The following KIRREL3 variants were observed in gnomAD, a reference collection of about 807,000 sequenced individuals.
KIRREL3 encodes the protein kirre like nephrin family adhesion molecule 3, also known as kin of IRRE-like protein 3.
Under a neutral mutation model 89.7 loss-of-function variants are expected in KIRREL3, and 36 were observed. The ratio of observed to expected loss-of-function variants is 0.40; its 90% CI spans 0.31 to 0.53. KIRREL3 has a LOEUF of 0.53. Among genes scored for constraint, KIRREL3 ranks in the 20% least tolerant of loss-of-function variants. KIRREL3 has a pLI of 0.49. For synonymous variants in KIRREL3, 445 were observed against 441.4 expected (o/e 1.01, Z -0.10); for missense variants, 864 against 1,056.6 (o/e 0.82, Z 2.53).
Position 126,984,162 on chromosome 11 carries a change from G to A in KIRREL3, c.55+16293C>T, listed in dbSNP as rs539177594. Among the ~76,000 whole-genome samples, 11 of 152,304 alleles carry A rather than the reference G, an allele frequency of 7.2e-5. No homozygotes were observed. The East Asian group carries it at 1.9e-3, about 27-fold the overall frequency. Reference sequence around the variant, plus strand: ...CAGCACATCTGGAGACACTGACCCAGAGGAAGGCAAGTACCTCACCTCTGA... The same window carrying A: ...CAGCACATCTGGAGACACTGACCCAAAGGAAGGCAAGTACCTCACCTCTGA... On this transcript the variant is annotated intron_variant, in intron 1 of 16. Coordinates refer to ENST00000525144, the MANE Select transcript of KIRREL3 (RefSeq NM_032531.4).
In KIRREL3 at chr11:126,551,458, G is replaced by A. The variant is rs1049718901; in HGVS notation, c.133+11377C>T. On this transcript the variant is annotated intron_variant, in intron 2 of 16. Transcript: ENST00000525144. This position sits in a 1 kb window ranked among gnomAD's most constrained non-coding sequence, Gnocchi z 4.9. ...CTATGGGAGTTATGAGCCGGGAACC[G>A]TGGATGAAATCCCCCCACCCCATGC... Among the ~76,000 whole-genome samples the A allele has an allele frequency of 1.3e-5, 2 of 152,116 alleles. No individual in the cohort carries two copies. Among genetic ancestry groups the A allele is most frequent in the South Asian group, 2.1e-4 (1 of 4,828 alleles).
rs1947612743 is a variant in KIRREL3 at position 126,708,149 on chromosome 11, A to G, written c.56-145237T>C. 6.6e-6 allele frequency among the ~76,000 whole-genome samples: 1 copy of G among 152,104 alleles called. No homozygotes were observed. The highest frequency in any genetic ancestry group is 2.4e-5 in the African/African-American group (1 of 41,398). ...TCTTCCACTGACTTTTCCCGTGTGA[A>G]AGGACTCCCTGGTCAGGCGGTATTC... is the stretch of plus-strand genomic sequence containing the variant. On this transcript the variant is annotated intron_variant, in intron 1 of 16. Transcript: ENST00000525144. This position sits in a 1 kb window ranked among gnomAD's most constrained non-coding sequence, Gnocchi z 5.7.
At chr11:126,941,531 G>A (rs1948445894) in intron 1 of KIRREL3, among the ~76,000 whole-genome samples, 1 of 152,178 alleles carries the variant, frequency 6.6e-6, no homozygotes, top group Non-Finnish European at 1.5e-5. Context: ...CTCGCATGGT[G>A]CATAAACTGA....
rs972918682 is a variant in KIRREL3, at chr11:126,562,980, G to T, written c.56-68C>A. On this transcript the variant is annotated intron_variant, in intron 1 of 16. Coordinates refer to ENST00000525144, the MANE Select transcript of KIRREL3 (RefSeq NM_032531.4). This position sits in a 1 kb window ranked among gnomAD's most constrained non-coding sequence, Gnocchi z 4.7. ...GTCAGGCATTGTTGGGGGGCCCTCT[G>T]CAGGGGGCTGTGGAGCTTGTTGCTC... 3.1e-5 allele frequency: 36 copies of T among 1,152,608 alleles called. No individual in the cohort carries two copies. Among genetic ancestry groups the T allele is most frequent in the Non-Finnish European group, 4.4e-5 (34 of 771,796 alleles). 71.4% of individuals were successfully genotyped at this position (1,152,608 alleles called of 1,614,324 possible). A position where few individuals can be genotyped will look rare whatever the true frequency, so the allele number is the denominator to read the frequency against.
At chr11:126,451,503 TGA>T (rs953359103) in intron 7 of KIRREL3, among the ~76,000 whole-genome samples, 7 of 150,424 alleles carry the variant, frequency 4.7e-5, no homozygotes, top group South Asian at 4.2e-4. Context: ...TGTGCATGTG[TGA>T]GTGTGTCCAT....
At position 126,648,269 on chromosome 11, in the gene KIRREL3, C is replaced by T. The variant is rs558745786; in HGVS notation, c.56-85357G>A. On this transcript the variant is annotated intron_variant, in intron 1 of 16. Coordinates refer to ENST00000525144, the MANE Select transcript of KIRREL3 (RefSeq NM_032531.4). ...CTTCTTTCCTTTTTACCCCGTCTCA[C>T]GTACTTCTTTATAGTAATGAGAGAA... is the stretch of plus-strand genomic sequence containing the variant. Among the ~76,000 whole-genome samples the T allele has an allele frequency of 5.3e-5, 8 of 152,324 alleles. No individual in the cohort carries two copies. In the East Asian group the frequency reaches 9.7e-4, roughly 18 times the overall value.
At position 126,807,069 on chromosome 11, in the gene KIRREL3, C is replaced by G. The variant is rs1273908576; in HGVS notation, c.55+193386G>C. On this transcript the variant is annotated intron_variant, in intron 1 of 16. Coordinates refer to ENST00000525144, the MANE Select transcript of KIRREL3 (RefSeq NM_032531.4). This position sits in a 1 kb window ranked among gnomAD's most constrained non-coding sequence, Gnocchi z 4.3. Reference sequence around the variant, plus strand: ...GGCACATATGTGCCACATGACCACGCTGTACTCTTCAAAGGGGATGAAACT... The same window carrying G: ...GGCACATATGTGCCACATGACCACGGTGTACTCTTCAAAGGGGATGAAACT... Among the ~76,000 whole-genome samples the G allele has an allele frequency of 6.6e-6, 1 of 152,142 alleles. No homozygotes were observed. Among genetic ancestry groups the G allele is most frequent in the Non-Finnish European group, 1.5e-5 (1 of 68,032 alleles).
At chr11:126,659,127 G>A (rs1945282117) in intron 1 of KIRREL3, among the ~76,000 whole-genome samples, 1 of 152,188 alleles carries the variant, frequency 6.6e-6, no homozygotes, top group African/African-American at 2.4e-5. Flanking sequence ...CCTCTTGCCT[G>A]CAAGGATATA....
At position 126,627,167 on chromosome 11, in the gene KIRREL3, G is replaced by A. The variant is rs985373313; in HGVS notation, c.56-64255C>T. Among the ~76,000 whole-genome samples, 57 of 152,148 alleles carry A rather than the reference G, an allele frequency of 3.7e-4. No individual in the cohort carries two copies. The highest frequency in any genetic ancestry group is 1.3e-3 in the African/African-American group (55 of 41,446). On this transcript the variant is annotated intron_variant, in intron 1 of 16. Transcript: ENST00000525144. The surrounding 1 kb of genome is among the most constrained non-coding windows in gnomAD (Gnocchi z 5.0). Reference sequence around the variant, plus strand: ...CATTTTTAGTTGTATTTCAATATAAGCATAAGGAGGTGGAGGTGAGAGAAT... The same window carrying A: ...CATTTTTAGTTGTATTTCAATATAAACATAAGGAGGTGGAGGTGAGAGAAT...
At chr11:126,690,380 A>G (rs1207566485) in intron 1 of KIRREL3, among the ~76,000 whole-genome samples, 1 of 136,680 alleles carries the variant, frequency 7.3e-6, no homozygotes, top group African/African-American at 2.8e-5. Flanking sequence ...TTTTTTTCCC[A>G]TTAGTTTCAG....
rs1945899344 is a variant in KIRREL3 at position 126,891,054 on chromosome 11, T to G, written c.55+109401A>C. On this transcript the variant is annotated intron_variant, in intron 1 of 16. Coordinates refer to ENST00000525144, the MANE Select transcript of KIRREL3 (RefSeq NM_032531.4). This position sits in a 1 kb window ranked among gnomAD's most constrained non-coding sequence, Gnocchi z 5.1. ...AAAGGCCCATCACCCTCTTTGAGTTTGCCCTTAGATCTTCAGCCTGCCAAA... is the reference window on the plus strand; with the variant it reads ...AAAGGCCCATCACCCTCTTTGAGTTGGCCCTTAGATCTTCAGCCTGCCAAA... Among the ~76,000 whole-genome samples, 1 of 152,254 alleles carries G rather than the reference T, an allele frequency of 6.6e-6. No homozygotes were observed. The highest frequency in any genetic ancestry group is 2.4e-5 in the African/African-American group (1 of 41,478).
In KIRREL3 at chr11:126,797,389, T is replaced by C. The variant is rs941569617; in HGVS notation, c.55+203066A>G. Among the ~76,000 whole-genome samples the C allele has an allele frequency of 1.3e-5, 2 of 152,154 alleles. No homozygotes were observed. Among genetic ancestry groups the C allele is most frequent in the Non-Finnish European group, 2.9e-5 (2 of 68,036 alleles). On this transcript the variant is annotated intron_variant, in intron 1 of 16. Coordinates refer to ENST00000525144, the MANE Select transcript of KIRREL3 (RefSeq NM_032531.4). The surrounding 1 kb of genome is among the most constrained non-coding windows in gnomAD (Gnocchi z 4.9). ...GAGAAGCACTGGATGCTGATAGTTT[T>C]GGTGGCGCGGCTGTTATTGGTTGGA... is the stretch of plus-strand genomic sequence containing the variant.
At chr11:126,942,828 G>C (rs1014245991) in intron 1 of KIRREL3, among the ~76,000 whole-genome samples, 1 of 152,166 alleles carries the variant, frequency 6.6e-6, no homozygotes, top group Non-Finnish European at 1.5e-5. Context: ...CAGGATTTCT[G>C]CTTTCCATGC....
chr11:126,754,532 C>T lies in KIRREL3; in HGVS notation c.56-191620G>A, dbSNP rs1291901406. Reference sequence around the variant, plus strand: ...GTCTACTTGGTTTAAGGCCTACAAACTGCATGTCTTTGCTAGATACCGCTG... The same window carrying T: ...GTCTACTTGGTTTAAGGCCTACAAATTGCATGTCTTTGCTAGATACCGCTG... On this transcript the variant is annotated intron_variant, in intron 1 of 16. Coordinates refer to ENST00000525144, the MANE Select transcript of KIRREL3 (RefSeq NM_032531.4). The surrounding 1 kb of genome is among the most constrained non-coding windows in gnomAD (Gnocchi z 5.1). 6.6e-6 allele frequency among the ~76,000 whole-genome samples: 1 copy of T among 152,070 alleles called. No individual in the cohort carries two copies. The highest frequency in any genetic ancestry group is 1.5e-5 in the Non-Finnish European group (1 of 68,006).
Position 126,924,907 on chromosome 11 carries a change from ATGTGTGTGTGTGTACATGCTTATGTG to A in KIRREL3, c.55+75522_55+75547del, listed in dbSNP as rs1201137116. Among the ~76,000 whole-genome samples, 1 of 148,620 alleles carries A rather than the reference ATGTGTGTGTGTGTACATGCTTATGTG, an allele frequency of 6.7e-6. No individual in the cohort carries two copies. Among genetic ancestry groups the A allele is most frequent in the Non-Finnish European group, 1.5e-5 (1 of 67,338 alleles). On this transcript the variant is annotated intron_variant, in intron 1 of 16. Coordinates refer to ENST00000525144, the MANE Select transcript of KIRREL3 (RefSeq NM_032531.4). The surrounding 1 kb of genome is among the most constrained non-coding windows in gnomAD (Gnocchi z 4.7). ...ATTCGGTGTGACTGTGGCTCTGTGT[ATGTGTGTGTGTGTACATGCTTATGTG>A]TGTGTGTGTGTGTTGCAGTGGAGGA...
At position 126,755,150 on chromosome 11, in the gene KIRREL3, A is replaced by G. The variant is rs926409002; in HGVS notation, c.56-192238T>C. ...CTTGATTGGAAGAATTATCCTGACA[A>G]GAAAATTAGTAGTAAGTCAATAAGT... On this transcript the variant is annotated intron_variant, in intron 1 of 16. Coordinates refer to ENST00000525144, the MANE Select transcript of KIRREL3 (RefSeq NM_032531.4). The surrounding 1 kb of genome is among the most constrained non-coding windows in gnomAD (Gnocchi z 4.3). Among the ~76,000 whole-genome samples the G allele has an allele frequency of 1.3e-5, 2 of 152,230 alleles. No individual in the cohort carries two copies. The highest frequency in any genetic ancestry group is 4.8e-5 in the African/African-American group (2 of 41,450).
intron 1 of KIRREL3, among the ~76,000 whole-genome samples, chr11:126,680,660 CT>C (rs1946413004): frequency 6.6e-6 from 1 of 150,974 alleles, no homozygotes; most frequent in Non-Finnish European, 1.5e-5. Context: ...ATTTTTAATG[CT>C]TTTCAAAGTT....
intron 1 of KIRREL3, among the ~76,000 whole-genome samples, chr11:126,741,164 CTTTG>C (rs1406421671): frequency 4.6e-5 from 7 of 152,296 alleles, no homozygotes; most frequent in African/African-American, 1.7e-4. Context: ...TTGTTAATTT[CTTTG>C]TTTGTGCTTC....
rs60734857 is a variant in KIRREL3, at chr11:126,922,714, GCAACAACAACAA to G, written c.55+77729_55+77740del. 3.3e-5 allele frequency among the ~76,000 whole-genome samples: 5 copies of G among 151,346 alleles called. No individual in the cohort carries two copies. The South Asian group carries it at 6.3e-4, about 19-fold the overall frequency. ...CAAATAAAAAGCAGCAGGAGCAGCA[GCAACAACAACAA>G]CAACAACAACAACAACAACCTCCCT... is the stretch of plus-strand genomic sequence containing the variant. On this transcript the variant is annotated intron_variant, in intron 1 of 16. Transcript: ENST00000525144.
Sources: gnomAD v4.1 joint callset for allele counts (sites outside exome capture counted in the v4.1 genomes callset) on GRCh38, gnomAD v4.1.1 for gene constraint, Gnocchi (gnomAD v3.1) non-coding constraint, MANE v1.5 for transcripts, NCBI Gene and HGNC (gene_info 2026-07-23, HGNC 2026-07-21) for gene names.